The following STARD13 variants were observed in gnomAD, a reference collection of about 807,000 sequenced individuals.
STARD13 encodes StAR related lipid transfer domain containing 13.
STARD13 carries 62 observed loss-of-function variants against 106.4 expected under a neutral mutation model. That is an observed-to-expected ratio of 0.58 (90% CI 0.48 to 0.72). The LOEUF is 0.72. Among genes scored for constraint, STARD13 ranks in the 30% least tolerant of loss-of-function variants. The probability of loss-of-function intolerance (pLI) is 0.00; values close to 1 mark genes in which losing one functional copy is unlikely to be tolerated. For synonymous variants in STARD13, 565 were observed against 553.0 expected (o/e 1.02, Z -0.31); for missense variants, 1,387 against 1,424.0 (o/e 0.97, Z 0.42).
At chr13:33,608,070 C>CT in the STARD13 span, among the ~76,000 whole-genome samples, 1 of 152,214 alleles carries the variant, frequency 6.6e-6, no homozygotes, top group East Asian at 1.9e-4. Context: ...CCACCATGCC[C>CT]TTTTTTTCTT....
intron 1 of STARD13, among the ~76,000 whole-genome samples, chr13:33,201,381 C>T (rs1271545934): frequency 3.3e-5 from 5 of 152,188 alleles, no homozygotes; most frequent in East Asian, 1.9e-4. Flanking sequence ...TGATTATTTC[C>T]GGTATTCCTG....
chr13:33,160,715 T>G (rs1882517236), intron 3 of STARD13, among the ~76,000 whole-genome samples: 1 of 152,044 alleles, frequency 6.6e-6, no homozygotes, highest in Non-Finnish European at 1.5e-5. Context: ...TGCAAATGAG[T>G]TAATACCAGA....
At chr13:33,556,221 A>AATGTTT in the STARD13 span, among the ~76,000 whole-genome samples, 447 of 152,264 alleles carry the variant, frequency 2.9e-3, 2 homozygotes, top group African/African-American at 0.011. Flanking sequence ...ATTCATGAAG[A>AATGTTT]ATGTTTTCAA....
chr13:33,337,324 T>C (rs149021079), intron 1 of STARD13, among the ~76,000 whole-genome samples: 7 of 143,460 alleles, frequency 4.9e-5, no homozygotes, highest in African/African-American at 1.7e-4. Flanking sequence ...ATTATGAGCA[T>C]TGTAAATATT....
rs2077959486 is a variant in STARD13 at position 33,341,473 on chromosome 13, C to T, written c.124+8817G>A. On this transcript the variant is annotated intron_variant, in intron 1 of 5. Transcript: ENST00000567873. ...CTAACATGGTGAAATCCTGTCTCTA[C>T]TAAAAATACAAAAAAATTAGCCGGG... is the stretch of plus-strand genomic sequence containing the variant. Among the ~76,000 whole-genome samples the T allele has an allele frequency of 2.0e-5, 3 of 151,670 alleles. No individual in the cohort carries two copies. The South Asian group carries it at 6.2e-4, about 32-fold the overall frequency.
chr13:33,397,248 T>A, the STARD13 span, among the ~76,000 whole-genome samples: 1 of 152,166 alleles, frequency 6.6e-6, no homozygotes, highest in Admixed American at 6.5e-5. Flanking sequence ...TTTTCACAGA[T>A]GTTTGCATAG....
At chr13:33,179,578 A>G (rs1201777230) in intron 1 of STARD13, among the ~76,000 whole-genome samples, 1 of 152,162 alleles carries the variant, frequency 6.6e-6, no homozygotes, top group African/African-American at 2.4e-5. Context: ...TTACTTATTT[A>G]TTCAACAGAC....
chr13:33,166,465 C>T (rs1224416783), intron 2 of STARD13, among the ~76,000 whole-genome samples: 3 of 152,102 alleles, frequency 2.0e-5, no homozygotes, highest in Non-Finnish European at 4.4e-5. Flanking sequence ...CACTACAAGC[C>T]CTGGGCTCTT....
At chr13:33,460,293 C>A in the STARD13 span, among the ~76,000 whole-genome samples, 1 of 151,636 alleles carries the variant, frequency 6.6e-6, no homozygotes, top group Admixed American at 6.6e-5. Flanking sequence ...GGAGACCATC[C>A]TGGCCAACAT....
the STARD13 span, among the ~76,000 whole-genome samples, chr13:33,378,505 G>C: frequency 6.6e-6 from 1 of 152,152 alleles, no homozygotes; most frequent in Non-Finnish European, 1.5e-5. Context: ...CATAGGCCAG[G>C]CGTGGTCGGG....
chr13:33,270,276 A>G (rs1297516126), intron 1 of STARD13, among the ~76,000 whole-genome samples: 10 of 152,172 alleles, frequency 6.6e-5, no homozygotes, highest in Admixed American at 5.2e-4. Context: ...ACAGAGTGGC[A>G]CATTATTCCC....
the STARD13 span, among the ~76,000 whole-genome samples, chr13:33,559,196 G>T: frequency 7.9e-5 from 12 of 151,570 alleles, 1 homozygote; most frequent in African/African-American, 2.9e-4. Context: ...ATACTTTTAT[G>T]TAACTATTTT....
chr13:33,575,393 A>G, the STARD13 span, among the ~76,000 whole-genome samples: 2 of 152,160 alleles, frequency 1.3e-5, no homozygotes, highest in Admixed American at 1.3e-4. Context: ...GCCAAATTCT[A>G]CATTTTGTGG....
chr13:33,110,912 A>C lies in STARD13; in HGVS notation c.2608-5T>G. On this transcript the variant is annotated splice_polypyrimidine_tract_variant and splice_region_variant and intron_variant, in intron 10 of 13. Coordinates refer to ENST00000336934, the MANE Select transcript of STARD13 (RefSeq NM_178006.4). The stretch of plus-strand genomic sequence containing the variant: ...GGCCACCAACTCGTGTGGAACCTAG[A>C]CCAACGGATGCATGAAAGGGCAACA... The C allele has an allele frequency of 6.2e-7, 1 of 1,611,650 alleles. No individual in the cohort carries two copies. Among genetic ancestry groups the C allele is most frequent in the Non-Finnish European group, 8.5e-7 (1 of 1,179,084 alleles).
At chr13:33,255,816 G>T (rs1594174120) in intron 1 of STARD13, among the ~76,000 whole-genome samples, 1 of 152,124 alleles carries the variant, frequency 6.6e-6, no homozygotes, top group East Asian at 1.9e-4. Context: ...GAGACCTCCA[G>T]GAGTTCTATC....
chr13:33,482,327 G>A, the STARD13 span, among the ~76,000 whole-genome samples: 3 of 152,084 alleles, frequency 2.0e-5, no homozygotes, highest in Admixed American at 6.5e-5. Context: ...ACAATAAAAA[G>A]ATGAAAACAT....
chr13:33,414,862 A>T, the STARD13 span, among the ~76,000 whole-genome samples: 1 of 152,226 alleles, frequency 6.6e-6, no homozygotes, highest in Non-Finnish European at 1.5e-5. Context: ...AAAACATTTT[A>T]TAGTAATATA....
chr13:33,490,300 G>T, the STARD13 span, among the ~76,000 whole-genome samples: 1 of 152,102 alleles, frequency 6.6e-6, no homozygotes, highest in South Asian at 2.1e-4. Flanking sequence ...GCAGTTCCCC[G>T]GCAAAGGCCC....
the STARD13 span, among the ~76,000 whole-genome samples, chr13:33,660,218 TG>T: frequency 2.6e-5 from 4 of 152,200 alleles, no homozygotes; most frequent in African/African-American, 7.2e-5. Flanking sequence ...GCTGAATTCA[TG>T]TTTTTTTATG....
Sources: gnomAD v4.1 joint callset for allele counts (sites outside exome capture counted in the v4.1 genomes callset) on GRCh38, gnomAD v4.1.1 for gene constraint, MANE v1.5 for transcripts, NCBI Gene and HGNC (gene_info 2026-07-23, HGNC 2026-07-21) for gene names.